Variants in SGCZ observed in about 807,000 individuals in gnomAD.
SGCZ encodes sarcoglycan zeta.
SGCZ carries 40 observed loss-of-function variants against 41.3 expected under a neutral mutation model. The observed-to-expected ratio is 0.97, with a 90% CI of 0.75 to 1.26. The LOEUF (loss-of-function observed/expected upper bound fraction) is 1.26, where lower values mean the gene tolerates loss of function less well. SGCZ is among the 50% of genes most tolerant of loss of function. The pLI, the probability that SGCZ is intolerant of heterozygous loss-of-function variation, is 0.00. For synonymous variants in SGCZ, 206 were observed against 137.5 expected (o/e 1.50, Z -3.49); for missense variants, 552 against 369.8 (o/e 1.49, Z -4.04).
intron 5 of SGCZ, among the ~76,000 whole-genome samples, chr8:14,148,321 G>C (rs571795951): frequency 1.6e-4 from 25 of 151,858 alleles, no homozygotes; most frequent in African/African-American, 5.1e-4. Flanking sequence ...AAGAAAAAAA[G>C]ATACAAATAA....
At chr8:14,256,136 G>T (rs1242800993) in intron 3 of SGCZ, among the ~76,000 whole-genome samples, 1 of 152,096 alleles carries the variant, frequency 6.6e-6, no homozygotes, top group Non-Finnish European at 1.5e-5. Flanking sequence ...GATGGCAGAA[G>T]CATATGATAT....
rs138068681 is a variant in SGCZ at position 14,635,512 on chromosome 8, A to G, written c.40-80586T>C. Among the ~76,000 whole-genome samples the G allele has an allele frequency of 8.8e-3, 1,335 of 152,072 alleles. 19 individuals carry two copies. The highest frequency in any genetic ancestry group is 0.03 in the African/African-American group (1,265 of 41,536). ...CTTTACTTTTCATGATTTGTTACCC[A>G]TGGAGAAATACACTCTGAAAATATT... is the stretch of plus-strand genomic sequence containing the variant. On this transcript the variant is annotated intron_variant, in intron 1 of 7. Coordinates refer to ENST00000382080, the MANE Select transcript of SGCZ (RefSeq NM_139167.4).
intron 1 of SGCZ, chr8:14,853,346 T>A: frequency 2.4e-6 from 1 of 422,078 alleles, no homozygotes; most frequent in South Asian, 1.8e-5. Context: ...ACCTGAAGCA[T>A]GCTGGCCACT....
At chr8:15,237,390 G>A (rs4831330) in intron 1 of SGCZ, among the ~76,000 whole-genome samples, 195 bp downstream of exon 1, 68,294 of 152,086 alleles carry the variant, frequency 0.45, 17,050 homozygotes, top group Non-Finnish European at 0.57. Flanking sequence ...AGTGCAGCCT[G>A]GCTCGGGAGA....
chr8:15,086,247 T>A (rs985194557), intron 1 of SGCZ, among the ~76,000 whole-genome samples: 1 of 152,220 alleles, frequency 6.6e-6, no homozygotes, highest in Non-Finnish European at 1.5e-5. Context: ...TCTCTCCTTA[T>A]GTCTCTGTGT....
At chr8:14,554,169 C>T (rs982458582) in intron 2 of SGCZ, among the ~76,000 whole-genome samples, 1 of 151,956 alleles carries the variant, frequency 6.6e-6, no homozygotes, top group Non-Finnish European at 1.5e-5. Flanking sequence ...GGTTTATCTT[C>T]CATTTACGAG....
chr8:14,256,024 T>C (rs1396789191), intron 3 of SGCZ, among the ~76,000 whole-genome samples: 2 of 152,110 alleles, frequency 1.3e-5, no homozygotes, highest in East Asian at 3.8e-4. Flanking sequence ...GCCTAAAAAC[T>C]TTTTAGTAAA....
intron 1 of SGCZ, among the ~76,000 whole-genome samples, chr8:15,221,440 G>A (rs909714343): frequency 1.3e-5 from 2 of 152,088 alleles, no homozygotes; most frequent in African/African-American, 4.8e-5. Context: ...GCAGCAGGTG[G>A]CCACAGCTGT....
chr8:14,568,421 G>GAA lies in SGCZ; in HGVS notation c.40-13497_40-13496dup, dbSNP rs1184916532. ...AAAGAAAGAAAGAATTGATCGTTTT[G>GAA]AAAAAAAAAAAATACATTATCAGAA... is the stretch of plus-strand genomic sequence containing the variant. On this transcript the variant is annotated intron_variant, in intron 1 of 7. Coordinates refer to ENST00000382080, the MANE Select transcript of SGCZ (RefSeq NM_139167.4). Among the ~76,000 whole-genome samples the GAA allele has an allele frequency of 2.3e-4, 17 of 74,128 alleles. 1 individual carries two copies. The highest frequency in any genetic ancestry group is 4.5e-4 in the Admixed American group (3 of 6,712). The allele number at this position is 74,128 out of a possible 152,430, so 48.6% of individuals were successfully genotyped here.
chr8:14,831,802 A>ATGTATATATGTGTACACATACC (rs2130602428), intron 1 of SGCZ, among the ~76,000 whole-genome samples: 1 of 135,076 alleles, frequency 7.4e-6, no homozygotes, highest in South Asian at 2.2e-4. Context: ...GTACACATAC[A>ATGTATATATGTGTACACATACC]TGTATATATG....
chr8:14,413,108 CATT>C (rs1305742962), intron 2 of SGCZ, among the ~76,000 whole-genome samples: 3 of 151,964 alleles, frequency 2.0e-5, no homozygotes, highest in South Asian at 4.1e-4. Context: ...AAGTTCGCAT[CATT>C]AAGTTTAAAC....
At chr8:14,646,861 C>T (rs1397195541) in intron 1 of SGCZ, among the ~76,000 whole-genome samples, 1 of 151,856 alleles carries the variant, frequency 6.6e-6, no homozygotes, top group Non-Finnish European at 1.5e-5. Flanking sequence ...AAGACAGAGA[C>T]CCTTTTCTAA....
intron 1 of SGCZ, among the ~76,000 whole-genome samples, chr8:14,868,129 G>A (rs947804426): frequency 2.0e-5 from 3 of 152,052 alleles, no homozygotes; most frequent in Non-Finnish European, 4.4e-5. Flanking sequence ...CTCATGACCT[G>A]GAAATCAGAC....
At chr8:14,401,877 T>C (rs1323018110) in intron 2 of SGCZ, among the ~76,000 whole-genome samples, 3 of 150,620 alleles carry the variant, frequency 2.0e-5, no homozygotes, top group Non-Finnish European at 4.4e-5. Context: ...ACTTCCACAA[T>C]GGTTGAACTA....
chr8:14,271,041 C>T (rs1443465639), intron 3 of SGCZ, among the ~76,000 whole-genome samples: 1 of 152,064 alleles, frequency 6.6e-6, no homozygotes, highest in African/African-American at 2.4e-5. Context: ...ACCCTGGGGC[C>T]TGTTGTGAGG....
At chr8:14,807,768 A>T (rs370501851) in intron 1 of SGCZ, among the ~76,000 whole-genome samples, 2 of 152,018 alleles carry the variant, frequency 1.3e-5, no homozygotes, top group Non-Finnish European at 2.9e-5. Context: ...AGCCCGCATC[A>T]CCAAGTCAAT....
At chr8:15,013,778 G>T (rs949268019) in intron 1 of SGCZ, among the ~76,000 whole-genome samples, 5 of 152,124 alleles carry the variant, frequency 3.3e-5, no homozygotes, top group Admixed American at 3.3e-4. Context: ...ATGAATAGTA[G>T]TTATAATTAA....
At chr8:14,859,717 C>T in intron 1 of SGCZ, among the ~76,000 whole-genome samples, 1 of 152,134 alleles carries the variant, frequency 6.6e-6, no homozygotes, top group East Asian at 1.9e-4. Context: ...ATATGTATTG[C>T]AATGATTTTA....
Position 15,142,131 on chromosome 8 carries a change from T to G in SGCZ, c.39+95454A>C, listed in dbSNP as rs533090320. Reference sequence around the variant, plus strand: ...TGAGCATCCCACTGAAATGGACATGTTTATTACAAACACGAGATGATTCTT... The same window carrying G: ...TGAGCATCCCACTGAAATGGACATGGTTATTACAAACACGAGATGATTCTT... On this transcript the variant is annotated intron_variant, in intron 1 of 7. Coordinates refer to ENST00000382080, the MANE Select transcript of SGCZ (RefSeq NM_139167.4). Among the ~76,000 whole-genome samples the G allele has an allele frequency of 3.3e-5, 5 of 152,228 alleles. No homozygotes were observed. In the East Asian group the frequency reaches 5.8e-4, roughly 18 times the overall value.
Sources: gnomAD v4.1 joint callset for allele counts (sites outside exome capture counted in the v4.1 genomes callset) on GRCh38, gnomAD v4.1.1 for gene constraint, MANE v1.5 for transcripts, NCBI Gene and HGNC (gene_info 2026-07-23, HGNC 2026-07-21) for gene names.